Variants in CAPN13 observed in about 807,000 individuals in gnomAD.
The protein encoded by CAPN13 is calpain-13.
In CAPN13, 90 loss-of-function variants were observed where a neutral mutation model predicts 98.4. That is an observed-to-expected ratio of 0.92 (90% CI 0.77 to 1.09). The LOEUF is 1.09. CAPN13 is among the 50% of genes least tolerant of loss of function. The pLI is 0.00. For missense variants in CAPN13, 887 were observed against 841.3 expected, an observed-to-expected ratio of 1.05 and a Z score of -0.67; for synonymous variants, 330 against 305.5, an observed-to-expected ratio of 1.08 and a Z score of -0.84.
At chr2:30,799,078 GGA>G (rs1299184911) in intron 1 of CAPN13, among the ~76,000 whole-genome samples, 1 of 152,020 alleles carries the variant, frequency 6.6e-6, no homozygotes, top group East Asian at 1.9e-4. Context: ...AGGGCTTTGA[GGA>G]GAGAGAGGGA....
intron 17 of CAPN13, chr2:30,737,140 G>C (rs1386956337): frequency 6.5e-6 from 1 of 153,388 alleles, no homozygotes; most frequent in Non-Finnish European, 1.5e-5. Context: ...CAGCAAATGT[G>C]ACCTCCCCTC....
At chr2:30,768,636 C>CT (rs1306445862) in intron 5 of CAPN13, among the ~76,000 whole-genome samples, 2 of 151,140 alleles carry the variant, frequency 1.3e-5, no homozygotes, top group African/African-American at 4.9e-5. Context: ...AGGTCTTGCT[C>CT]TTTTTTTAAA....
At chr2:30,799,357 C>A (rs1572889590) in intron 1 of CAPN13, among the ~76,000 whole-genome samples, 1 of 152,214 alleles carries the variant, frequency 6.6e-6, no homozygotes, top group South Asian at 2.1e-4. Flanking sequence ...AACCGCCAGA[C>A]CAGTGCTGTC....
chr2:30,804,667 C>T (rs1675498102), intron 1 of CAPN13, among the ~76,000 whole-genome samples: 1 of 152,082 alleles, frequency 6.6e-6, no homozygotes, highest in African/African-American at 2.4e-5. Flanking sequence ...AGATAGAGTC[C>T]CAAGGGTGGT....
chr2:30,723,431 C>A (rs1457485313), intron 22 of CAPN13, among the ~76,000 whole-genome samples, 195 bp from the exon 23 acceptor site: 1 of 152,150 alleles, frequency 6.6e-6, no homozygotes, highest in Non-Finnish European at 1.5e-5. Context: ...TAATGGATGA[C>A]CCTACCCCAT....
intron 5 of CAPN13, among the ~76,000 whole-genome samples, chr2:30,764,689 C>T (rs536277383): frequency 6.6e-6 from 1 of 152,282 alleles, no homozygotes; most frequent in African/African-American, 2.4e-5. Context: ...CGGCACGTGA[C>T]CATCCCTTAA....
Position 30,730,726 on chromosome 2 carries a change from T to A in CAPN13, c.*30+4A>T, listed in dbSNP as rs1183877801. Reference sequence around the variant, plus strand: ...GGAAAGACTCCAAAGCTACCATGTCTTACCTGAGCCATGGGTCTGCTTTCC... The same window carrying A: ...GGAAAGACTCCAAAGCTACCATGTCATACCTGAGCCATGGGTCTGCTTTCC... On this transcript the variant is annotated splice_donor_region_variant and intron_variant, in intron 22 of 22. Transcript: ENST00000295055. 1 of 780,810 alleles carries A rather than the reference T, an allele frequency of 1.3e-6. No homozygotes were observed. The allele number at this position is 780,810 out of a possible 1,614,324, so 48.4% of individuals were successfully genotyped here. A position where few individuals can be genotyped will look rare whatever the true frequency, so the allele number is the denominator to read the frequency against.
chr2:30,723,700 C>T (rs1443941725), intron 22 of CAPN13, among the ~76,000 whole-genome samples: 2 of 152,152 alleles, frequency 1.3e-5, no homozygotes, highest in African/African-American at 2.4e-5. Context: ...TTCTCAAGTG[C>T]AGGGGGCTTG....
At chr2:30,767,696 A>C (rs1289595373) in intron 5 of CAPN13, among the ~76,000 whole-genome samples, 1 of 152,196 alleles carries the variant, frequency 6.6e-6, no homozygotes. Context: ...TGTTTCTGAC[A>C]CTAGAAATGA....
At chr2:30,804,391 CAG>C (rs1235148634) in intron 1 of CAPN13, among the ~76,000 whole-genome samples, 1 of 152,200 alleles carries the variant, frequency 6.6e-6, no homozygotes, top group South Asian at 2.1e-4. Flanking sequence ...TTAGTAGAGA[CAG>C]AGTTTCACCA....
At chr2:30,756,961 G>A (rs1672483125) in intron 8 of CAPN13, among the ~76,000 whole-genome samples, 1 of 152,200 alleles carries the variant, frequency 6.6e-6, no homozygotes, top group Non-Finnish European at 1.5e-5. Flanking sequence ...CAAGGTCATG[G>A]GGGATCGGAG....
intron 19 of CAPN13, among the ~76,000 whole-genome samples, 174 bp downstream of exon 19, chr2:30,734,275 G>A (rs1343548461): frequency 2.0e-5 from 3 of 152,194 alleles, no homozygotes; most frequent in Non-Finnish European, 1.5e-5. Flanking sequence ...CTGTGTTTGA[G>A]TCTGCAACCG....
intron 5 of CAPN13, among the ~76,000 whole-genome samples, chr2:30,769,511 C>G (rs1275079856): frequency 6.6e-6 from 1 of 152,078 alleles, no homozygotes; most frequent in Non-Finnish European, 1.5e-5. Flanking sequence ...CCCTCTTCCT[C>G]ACACACACAC....
chr2:30,786,338 G>T (rs1199894402), intron 2 of CAPN13, among the ~76,000 whole-genome samples: 1 of 152,182 alleles, frequency 6.6e-6, no homozygotes, highest in East Asian at 1.9e-4. Flanking sequence ...AGAGGTTTGG[G>T]CAAAAGGGTC....
chr2:30,792,541 A>G (rs1674654965), intron 1 of CAPN13, among the ~76,000 whole-genome samples: 2 of 152,116 alleles, frequency 1.3e-5, no homozygotes, highest in Non-Finnish European at 2.9e-5. Flanking sequence ...TGCCACATAT[A>G]GTAAAGAAAT....
At chr2:30,724,181 A>G (rs777826577) in intron 22 of CAPN13, among the ~76,000 whole-genome samples, 7 of 152,124 alleles carry the variant, frequency 4.6e-5, no homozygotes, top group Non-Finnish European at 1.0e-4. Context: ...GTATTTTATT[A>G]CAATTATATA....
intron 5 of CAPN13, among the ~76,000 whole-genome samples, chr2:30,768,603 C>T (rs1458698290): frequency 6.6e-6 from 1 of 152,120 alleles, no homozygotes; most frequent in Non-Finnish European, 1.5e-5. Context: ...GCCGCCTTCC[C>T]CCTTCATAAT....
chr2:30,741,613 G>A (rs1671660352), intron 15 of CAPN13: 2 of 1,166,860 alleles, frequency 1.7e-6, no homozygotes, highest in Non-Finnish European at 2.1e-6. Flanking sequence ...ACTGCCAATT[G>A]CTTGTTTAAA....
intron 1 of CAPN13, among the ~76,000 whole-genome samples, chr2:30,793,174 G>A (rs1036601326): frequency 3.3e-5 from 5 of 151,734 alleles, no homozygotes; most frequent in East Asian, 1.9e-4. Context: ...AAAATTAAAG[G>A]CATAAAGATC....
Sources: allele counts gnomAD v4.1 joint callset (sites outside exome capture counted in the v4.1 genomes callset), GRCh38; gene constraint gnomAD v4.1.1; transcripts MANE v1.5; gene names NCBI Gene and HGNC (gene_info 2026-07-23, HGNC 2026-07-21).